The following IFT122 variants were observed in gnomAD, a reference collection of about 807,000 sequenced individuals.
The protein encoded by IFT122 is intraflagellar transport 122, also known as intraflagellar transport protein 122 homolog.
A neutral mutation model predicts 161.6 loss-of-function variants in IFT122; 118 were observed. The ratio of observed to expected loss-of-function variants is 0.73; its 90% CI spans 0.63 to 0.85. IFT122 has a LOEUF of 0.85. Among genes scored for constraint, IFT122 ranks in the 40% least tolerant of loss-of-function variants. The pLI is 0.00. For missense variants in IFT122, 1,381 were observed against 1,579.6 expected (o/e 0.87, Z 2.13); for synonymous variants, 550 against 602.4 (o/e 0.91, Z 1.27).
At chr3:129,469,585 T>G (rs527905698) in intron 9 of IFT122, among the ~76,000 whole-genome samples, 168 bp downstream of exon 9, 5 of 152,204 alleles carry the variant, frequency 3.3e-5, no homozygotes, top group Admixed American at 3.3e-4. Context: ...TCCTATTTTA[T>G]TCTTATAAAA....
chr3:129,464,662 G>T lies in IFT122; in HGVS notation c.444G>T (p.Ala148=), dbSNP rs772967589. 1.2e-6 allele frequency: 2 copies of T among 1,614,140 alleles called. No homozygotes were observed. Among genetic ancestry groups the T allele is most frequent in the Admixed American group, 3.3e-5 (2 of 60,018 alleles). ...GGACAAATGATGGTCAGTACCTGGCGCTGGGGATGTTCAATGGGATCATCA... is the reference window on the plus strand; with the variant it reads ...GGACAAATGATGGTCAGTACCTGGCTCTGGGGATGTTCAATGGGATCATCA... The part of the protein sequence containing the change: ...CSWTNDGQYL[A]LGMFNGIISI... Residue 148 remains alanine (A), a synonymous_variant, in exon 7 of 30, where the codon GCG becomes GCT. Coordinates refer to ENST00000348417, the MANE Select transcript of IFT122 (RefSeq NM_052989.3).
At chr3:129,450,149 G>A (rs2074595000) in intron 2 of IFT122, among the ~76,000 whole-genome samples, 1 of 151,982 alleles carries the variant, frequency 6.6e-6, no homozygotes, top group African/African-American at 2.4e-5. Flanking sequence ...CCACCTTTGG[G>A]GTCATTCATC....
chr3:129,504,206 T>C, intron 20 of IFT122, 113 bp from the exon 21 acceptor site: 2 of 870,774 alleles, frequency 2.3e-6, no homozygotes, highest in South Asian at 1.4e-5. Flanking sequence ...TCTCCCCCTC[T>C]GAGTTGTCAG....
At chr3:129,464,246 A>T (rs1252880609) in intron 6 of IFT122, among the ~76,000 whole-genome samples, 1 of 152,194 alleles carries the variant, frequency 6.6e-6, no homozygotes, top group African/African-American at 2.4e-5. Context: ...CTACAAAGCA[A>T]GCACTGTTCT....
Position 129,464,777 on chromosome 3 carries a change from T to G in IFT122, c.559T>G (p.Ser187Ala). 1 of 1,614,120 alleles carries G rather than the reference T, an allele frequency of 6.2e-7. No homozygotes were observed. Among genetic ancestry groups the G allele is most frequent in the Non-Finnish European group, 8.5e-7 (1 of 1,179,996 alleles). Residue 187 changes from serine to alanine, a missense_variant, in exon 7 of 30, where the codon TCA (serine) becomes GCA (alanine). Around this residue, in one of 7 missense-constraint regions of IFT122, gnomAD observed 544 missense variants for 648.0 expected, o/e 0.84. Transcript: ENST00000348417. ...AATATGGTCCATCTGCTGGAACCCTTCAAGGTACTCTTAAAGTTGTCCTCC... is the reference window on the plus strand; with the variant it reads ...AATATGGTCCATCTGCTGGAACCCTGCAAGGTACTCTTAAAGTTGTCCTCC... ...SPIWSICWNP[S>A]SRWESFWMNR...
chr3:129,454,315 C>T (rs2075191448), intron 3 of IFT122, among the ~76,000 whole-genome samples: 2 of 150,868 alleles, frequency 1.3e-5, no homozygotes. Flanking sequence ...TTGCTTAAGG[C>T]AGGAGTTTGA....
chr3:129,488,097 G>GGGCTGGGCA (rs1176224404), intron 15 of IFT122, 160 bp from the exon 16 acceptor site: 2 of 1,093,018 alleles, frequency 1.8e-6, no homozygotes, highest in South Asian at 1.4e-5. Context: ...CACACAGGGT[G>GGGCTGGGCA]GGCTGGGCAG....
At chr3:129,464,918 G>C (rs2076552812) in intron 7 of IFT122, 137 bp downstream of exon 7, 1 of 992,798 alleles carries the variant, frequency 1.0e-6, no homozygotes, top group South Asian at 1.4e-5. Context: ...CCATTTGTAT[G>C]GATTTTTTTT....
chr3:129,483,396 G>A, intron 14 of IFT122, 89 bp from the exon 15 acceptor site: 1 of 1,094,936 alleles, frequency 9.1e-7, no homozygotes, highest in East Asian at 2.4e-5. Context: ...GTGGGATTCA[G>A]TCTTTAAGAG....
In IFT122 at chr3:129,488,344, C is replaced by T. The variant is rs761881670; in HGVS notation, c.1939C>T (p.Arg647Cys). 4.3e-6 allele frequency: 7 copies of T among 1,614,022 alleles called. No homozygotes were observed. Among genetic ancestry groups the T allele is most frequent in the Admixed American group, 1.7e-5 (1 of 60,004 alleles). ...CTTGGGTGTCACAGACACTGATTGG[C>T]GTGAACTGGCCATGGAAGCGCTAGA... ...ACLGVTDTDW[R>C]ELAMEALEGL... Residue 647 changes from arginine to cysteine, a missense_variant, in exon 16 of 30, where the codon CGT (arginine) becomes TGT (cysteine). Around this residue, in one of 7 missense-constraint regions of IFT122, gnomAD observed 544 missense variants for 648.0 expected, o/e 0.84. Transcript: ENST00000348417.
In IFT122 at chr3:129,464,801, C is replaced by A; in HGVS notation, c.563+20C>A. 1 of 1,613,790 alleles carries A rather than the reference C, an allele frequency of 6.2e-7. No individual in the cohort carries two copies. Among genetic ancestry groups the A allele is most frequent in the Non-Finnish European group, 8.5e-7 (1 of 1,179,758 alleles). ...TTCAAGGTACTCTTAAAGTTGTCCTCCTTCTAGAACAAACACCATCATGAA... is the reference window on the plus strand; with the variant it reads ...TTCAAGGTACTCTTAAAGTTGTCCTACTTCTAGAACAAACACCATCATGAA... On this transcript the variant is annotated intron_variant, in intron 7 of 29. Transcript: ENST00000348417.
chr3:129,489,448 T>C (rs959211681), intron 16 of IFT122, among the ~76,000 whole-genome samples: 2 of 152,186 alleles, frequency 1.3e-5, no homozygotes, highest in African/African-American at 4.8e-5. Flanking sequence ...TGCTAGCCAT[T>C]ACTAAACAAG....
intron 26 of IFT122, among the ~76,000 whole-genome samples, 191 bp from the exon 27 acceptor site, chr3:129,517,278 A>G (rs1207257220): frequency 1.1e-4 from 15 of 136,302 alleles, no homozygotes; most frequent in African/African-American, 4.3e-4. Context: ...GCACACACAC[A>G]CACACACACA....
At chr3:129,446,979 C>T (rs2074085484) in intron 1 of IFT122, among the ~76,000 whole-genome samples, 1 of 152,168 alleles carries the variant, frequency 6.6e-6, no homozygotes, top group Non-Finnish European at 1.5e-5. Flanking sequence ...TCACCTGAAC[C>T]AATGAAATCC....
At chr3:129,514,865 C>G (rs1224616358) in intron 25 of IFT122, 2 of 499,542 alleles carry the variant, frequency 4.0e-6, no homozygotes, top group Non-Finnish European at 7.3e-6. Context: ...CTGCCTTTAC[C>G]CCAGGCCTGG....
At chr3:129,485,988 A>G (rs1420206177) in intron 15 of IFT122, among the ~76,000 whole-genome samples, 1 of 152,262 alleles carries the variant, frequency 6.6e-6, no homozygotes, top group Non-Finnish European at 1.5e-5. Context: ...TGTCTTGTGC[A>G]AGAACTGGTT....
At chr3:129,445,636 C>T (rs901359717) in intron 1 of IFT122, among the ~76,000 whole-genome samples, 2 of 152,154 alleles carry the variant, frequency 1.3e-5, no homozygotes, top group Admixed American at 6.5e-5. Context: ...CAGCATAGCG[C>T]GTTAATTACA....
Position 129,476,392 on chromosome 3 carries a change from G to T in IFT122, c.894G>T (p.Gly298=), listed in dbSNP as rs1300966652. Residue 298 remains glycine, a synonymous_variant, in exon 10 of 30, where the codon GGG becomes GGT. Transcript: ENST00000348417. ...CTAAAGGCGAGTACATTTTGCTGGGGGGTTCAGACAAGCAAGTATCTCTTT... is the reference window on the plus strand; with the variant it reads ...CTAAAGGCGAGTACATTTTGCTGGGTGGTTCAGACAAGCAAGTATCTCTTT... ...YFTKGEYILL[G]GSDKQVSLFT... is the part of the protein sequence containing the mutation. 2 of 1,614,190 alleles carry T rather than the reference G, an allele frequency of 1.2e-6. No homozygotes were observed. The highest frequency in any genetic ancestry group is 1.7e-6 in the Non-Finnish European group (2 of 1,180,042).
At chr3:129,447,209 C>T (rs1420889666) in intron 1 of IFT122, among the ~76,000 whole-genome samples, 1 of 152,180 alleles carries the variant, frequency 6.6e-6, no homozygotes, top group South Asian at 2.1e-4. Context: ...ACACAGCCCT[C>T]AGGAGGTCCA....
Sources: allele counts gnomAD v4.1 joint callset (sites outside exome capture counted in the v4.1 genomes callset), GRCh38; gene constraint gnomAD v4.1.1; regional missense constraint gnomAD v4.1.1; transcripts MANE v1.5; gene names NCBI Gene and HGNC (gene_info 2026-07-23, HGNC 2026-07-21).